The following CLPTM1L variants were observed in gnomAD, a reference collection of about 807,000 sequenced individuals.
CLPTM1L encodes the protein lipid scramblase CLPTM1L.
In CLPTM1L, 38 loss-of-function variants were observed where a neutral mutation model predicts 70.9. That is an observed-to-expected ratio of 0.54 (90% CI 0.41 to 0.70). The LOEUF (loss-of-function observed/expected upper bound fraction) is 0.70. CLPTM1L is among the 30% of genes least tolerant of loss of function. The probability of loss-of-function intolerance (pLI) is 0.00; values close to 1 mark genes in which losing one functional copy is unlikely to be tolerated. For missense variants in CLPTM1L, 652 were observed against 705.9 expected (o/e 0.92, Z 0.87); for synonymous variants, 339 against 299.9 (o/e 1.13, Z -1.35).
chr5:1,341,815 C>A lies in CLPTM1L; in HGVS notation c.309G>T (p.Thr103=), dbSNP rs751677876. 5 of 1,613,998 alleles carry A rather than the reference C, an allele frequency of 3.1e-6. No individual in the cohort carries two copies. The highest frequency in any genetic ancestry group is 4.2e-6 in the Non-Finnish European group (5 of 1,179,922). The part of the protein sequence containing the change: ...SVPKKTRNNG[T]LYAYIFLHHA... ...GATGGAGGAAGATGTAGGCATACAG[C>A]GTCCCATTGTTTCTCGTTTTCTTTG... is the stretch of plus-strand genomic sequence containing the variant. Residue 103 remains threonine, a synonymous_variant, in exon 3 of 17, where the codon ACG becomes ACT. Transcript: ENST00000320895.
At chr5:1,333,977 C>T (rs1446854988) in intron 7 of CLPTM1L, among the ~76,000 whole-genome samples, 1 of 152,130 alleles carries the variant, frequency 6.6e-6, no homozygotes, top group Admixed American at 6.5e-5. Context: ...CTATTCATCT[C>T]ATTGGTGTGG....
chr5:1,334,853 T>C (rs1225760905), intron 6 of CLPTM1L, among the ~76,000 whole-genome samples: 1 of 152,132 alleles, frequency 6.6e-6, no homozygotes, highest in African/African-American at 2.4e-5. Context: ...TATTATGTTC[T>C]TAATAAAGCC....
Position 1,331,768 on chromosome 5 carries a change from A to G in CLPTM1L, c.976+31T>C, listed in dbSNP as rs769065743. On this transcript the variant is annotated intron_variant, in intron 8 of 16. Transcript: ENST00000320895. ...TCCAGTGAGCTCCCTGGGGCAGAGT[A>G]TCTGAGCAGGGCCACGCTCGGGGGG... 3.8e-5 allele frequency: 61 copies of G among 1,596,942 alleles called. 1 individual carries two copies. The East Asian group carries it at 1.3e-3, about 34-fold the overall frequency.
intron 5 of CLPTM1L, among the ~76,000 whole-genome samples, chr5:1,337,196 C>T (rs1753627768): frequency 6.6e-6 from 1 of 152,216 alleles, no homozygotes; most frequent in African/African-American, 2.4e-5. Context: ...GCCACAGCTC[C>T]CAGCACCACA....
chr5:1,332,296 G>GCAAGGC (rs950095867), intron 7 of CLPTM1L: 2 of 182,140 alleles, frequency 1.1e-5, no homozygotes, highest in African/African-American at 4.7e-5. Flanking sequence ...CCCAGCTACT[G>GCAAGGC]CAAGGCCAAG....
At chr5:1,322,302 G>C (rs1410649737) in intron 13 of CLPTM1L, among the ~76,000 whole-genome samples, 1 of 152,192 alleles carries the variant, frequency 6.6e-6, no homozygotes, top group African/African-American at 2.4e-5. Context: ...GGTGGGGCTG[G>C]GGGATGGACA....
At chr5:1,330,246 C>A in intron 9 of CLPTM1L, 34 bp downstream of exon 9, 1 of 1,573,002 alleles carries the variant, frequency 6.4e-7, no homozygotes, top group Non-Finnish European at 8.7e-7. Flanking sequence ...GGCACATGGA[C>A]CTCAGACAGT....
At chr5:1,323,742 T>C (rs1308148713) in intron 12 of CLPTM1L, 45 bp downstream of exon 12, 6 of 1,544,744 alleles carry the variant, frequency 3.9e-6, no homozygotes, top group Non-Finnish European at 5.4e-6. Context: ...CAAATGGCTT[T>C]CTCAGGGGAA....
At position 1,342,572 on chromosome 5, in the gene CLPTM1L, C is replaced by A. The variant is rs976427562; in HGVS notation, c.264-712G>T. On this transcript the variant is annotated intron_variant, in intron 2 of 16. Transcript: ENST00000320895. This position sits in a 1 kb window ranked among gnomAD's most constrained non-coding sequence, Gnocchi z 4.3. ...CTCGCATTCCACCTGTTTACGGTTA[C>A]ATGAGTTCTTCTTCCTCTTTAAAAG... Among the ~76,000 whole-genome samples the A allele has an allele frequency of 6.6e-6, 1 of 152,226 alleles. No homozygotes were observed. The highest frequency in any genetic ancestry group is 2.4e-5 in the African/African-American group (1 of 41,462).
At chr5:1,339,261 G>T (rs1040328849) in intron 3 of CLPTM1L, among the ~76,000 whole-genome samples, 23 of 145,924 alleles carry the variant, frequency 1.6e-4, no homozygotes, top group African/African-American at 5.6e-4. Flanking sequence ...GGACAGCAGG[G>T]TCAGTGCCCT....
chr5:1,337,283 T>C (rs1170424034), intron 5 of CLPTM1L, among the ~76,000 whole-genome samples: 1 of 152,264 alleles, frequency 6.6e-6, no homozygotes, highest in Admixed American at 6.5e-5. Context: ...ACTGCTTCTG[T>C]GAGTCTCAAT....
chr5:1,339,155 G>A, intron 3 of CLPTM1L, 150 bp from the exon 4 acceptor site: 1 of 892,934 alleles, frequency 1.1e-6, no homozygotes. Flanking sequence ...CCTGTGAAGA[G>A]ATGGCCACAC....
At position 1,336,198 on chromosome 5, in the gene CLPTM1L, T is replaced by C. The variant is rs539356281; in HGVS notation, c.679-1024A>G. On this transcript the variant is annotated intron_variant, in intron 5 of 16. Transcript: ENST00000320895. ...GAAGGGTGTCACTGCCTCCTCCATC[T>C]GGCAGTGCTGGGCCCAGCCACAGAA... 2.6e-5 allele frequency among the ~76,000 whole-genome samples: 4 copies of C among 152,358 alleles called. No homozygotes were observed. The South Asian group carries it at 8.3e-4, about 32-fold the overall frequency.
intron 5 of CLPTM1L, among the ~76,000 whole-genome samples, chr5:1,336,946 C>CG (rs1161774977): frequency 1.3e-5 from 2 of 152,078 alleles, no homozygotes; most frequent in African/African-American, 4.8e-5. Flanking sequence ...CCCAGCTGCA[C>CG]CCCCCCGCTA....
intron 1 of CLPTM1L, 71 bp from the exon 2 acceptor site, chr5:1,344,522 G>T: frequency 1.3e-6 from 2 of 1,506,568 alleles, no homozygotes; most frequent in South Asian, 1.1e-5. Flanking sequence ...CCCACGGCCA[G>T]CTGGAGGGCG....
intron 6 of CLPTM1L, among the ~76,000 whole-genome samples, chr5:1,334,741 G>A (rs957488815): frequency 5.3e-5 from 8 of 151,072 alleles, no homozygotes; most frequent in Non-Finnish European, 8.8e-5. Context: ...GCAACAGAGC[G>A]AGACTCTGTC....
In CLPTM1L at chr5:1,331,775, C is replaced by A. The variant is rs111874283; in HGVS notation, c.976+24G>T. On this transcript the variant is annotated intron_variant, in intron 8 of 16. Transcript: ENST00000320895. ...AGCTCCCTGGGGCAGAGTATCTGAG[C>A]AGGGCCACGCTCGGGGGGCCTACCT... 2.9e-3 allele frequency: 4,605 copies of A among 1,607,404 alleles called. 89 individuals are homozygous for A. The African/African-American group carries it at 0.044, about 15-fold the overall frequency.
intron 10 of CLPTM1L, chr5:1,325,098 G>A (rs1165071786): frequency 3.6e-6 from 2 of 549,500 alleles, no homozygotes; most frequent in African/African-American, 1.9e-5. Context: ...CCGCTTCAGT[G>A]AGAACACTGC....
chr5:1,327,524 C>T (rs1002526137), intron 9 of CLPTM1L, among the ~76,000 whole-genome samples: 5 of 149,930 alleles, frequency 3.3e-5, no homozygotes, highest in Admixed American at 3.3e-4. Flanking sequence ...GACATTCCAT[C>T]CAGCTCCTCC....
Sources: gnomAD v4.1 joint callset for allele counts (sites outside exome capture counted in the v4.1 genomes callset) on GRCh38, gnomAD v4.1.1 for gene constraint, Gnocchi (gnomAD v3.1) non-coding constraint, MANE v1.5 for transcripts, NCBI Gene and HGNC (gene_info 2026-07-23, HGNC 2026-07-21) for gene names.